LRRC28: variants seen among roughly 807,000 people sequenced by gnomAD.
LRRC28 encodes leucine rich repeat containing 28.
LRRC28 carries 39 observed loss-of-function variants against 45.7 expected under a neutral mutation model. The observed-to-expected ratio is 0.85, with a 90% CI of 0.66 to 1.12. The LOEUF is 1.12. LRRC28 is among the 50% of genes most tolerant of loss of function. The pLI, the probability that LRRC28 is intolerant of heterozygous loss-of-function variation, is 0.00. For synonymous variants in LRRC28, 206 were observed against 178.8 expected, an observed-to-expected ratio of 1.15 and a Z score of -1.22; for missense variants, 435 against 438.5, an observed-to-expected ratio of 0.99 and a Z score of 0.07.
chr15:99,335,687 C>A (rs1294109090), intron 6 of LRRC28, among the ~76,000 whole-genome samples: 2 of 151,732 alleles, frequency 1.3e-5, no homozygotes, highest in Non-Finnish European at 2.9e-5. Context: ...TTTTTTACCC[C>A]CCTCACATTC....
chr15:99,377,974 C>T (rs1957696813), intron 9 of LRRC28, among the ~76,000 whole-genome samples: 1 of 152,182 alleles, frequency 6.6e-6, no homozygotes, highest in Non-Finnish European at 1.5e-5. Flanking sequence ...AGTCAGGTAG[C>T]ATGATGCCTC....
intron 9 of LRRC28, among the ~76,000 whole-genome samples, chr15:99,366,231 G>A (rs1217141377): frequency 6.6e-6 from 1 of 152,156 alleles, no homozygotes; most frequent in East Asian, 1.9e-4. Flanking sequence ...CTGTGAGGGA[G>A]GGATCTGTTC....
intron 3 of LRRC28, among the ~76,000 whole-genome samples, chr15:99,277,980 T>G (rs2081664545): frequency 6.6e-6 from 1 of 152,216 alleles, no homozygotes; most frequent in Admixed American, 6.5e-5. Flanking sequence ...GGTTGTATTT[T>G]GTATATATGA....
chr15:99,309,334 T>C (rs1955311022), intron 5 of LRRC28, among the ~76,000 whole-genome samples: 1 of 152,242 alleles, frequency 6.6e-6, no homozygotes, highest in Non-Finnish European at 1.5e-5. Flanking sequence ...GAAGCCTTTC[T>C]GAATTCTACC....
At chr15:99,385,830 TAAATA>T (rs1957969655) in intron 9 of LRRC28, among the ~76,000 whole-genome samples, 195 bp from the exon 10 acceptor site, 1 of 150,306 alleles carries the variant, frequency 6.7e-6, no homozygotes, top group Non-Finnish European at 1.5e-5. Context: ...AAAAAATAAA[TAAATA>T]AAATGAACAT....
intron 3 of LRRC28, among the ~76,000 whole-genome samples, chr15:99,279,536 G>C (rs764418436): frequency 3.3e-5 from 5 of 152,210 alleles, no homozygotes; most frequent in Non-Finnish European, 5.9e-5. Flanking sequence ...ACAGTTCTCT[G>C]AGAAGGAAGC....
chr15:99,311,050 C>A (rs1955389858), intron 5 of LRRC28, among the ~76,000 whole-genome samples: 1 of 151,638 alleles, frequency 6.6e-6, no homozygotes, highest in African/African-American at 2.4e-5. Context: ...CCGTTGGTGT[C>A]CTTAGTCTGC....
intron 7 of LRRC28, among the ~76,000 whole-genome samples, chr15:99,354,308 A>G (rs1356854345): frequency 6.6e-6 from 1 of 152,240 alleles, no homozygotes; most frequent in Non-Finnish European, 1.5e-5. Flanking sequence ...AAATGTGCTC[A>G]GAATTTTAAT....
intron 9 of LRRC28, among the ~76,000 whole-genome samples, chr15:99,372,454 A>G (rs1034828669): frequency 2.0e-5 from 3 of 152,202 alleles, no homozygotes; most frequent in African/African-American, 7.2e-5. Context: ...CTGGTGCCAC[A>G]GTTCTGGATT....
At chr15:99,259,981 A>G in intron 2 of LRRC28, 2 of 636,692 alleles carry the variant, frequency 3.1e-6, no homozygotes, top group East Asian at 5.5e-5. Context: ...AAAAACAAGA[A>G]ACAGCAAAGG....
intron 9 of LRRC28, among the ~76,000 whole-genome samples, chr15:99,378,210 T>G (rs1234777343): frequency 6.6e-6 from 1 of 152,166 alleles, no homozygotes; most frequent in Admixed American, 6.5e-5. Flanking sequence ...GTGTCCTCTT[T>G]TATTTCGTTG....
intron 9 of LRRC28, among the ~76,000 whole-genome samples, chr15:99,381,704 G>T (rs1222324164): frequency 6.6e-6 from 1 of 152,190 alleles, no homozygotes; most frequent in South Asian, 2.1e-4. Context: ...TTACAGATGG[G>T]GTTTTGGTGT....
chr15:99,387,231 T>G lies in LRRC28; in HGVS notation c.*1129T>G, dbSNP rs567682015. On this transcript the variant is annotated 3_prime_UTR_variant, in exon 10 of 10. Coordinates refer to ENST00000301981, the MANE Select transcript of LRRC28 (RefSeq NM_144598.5). ...GCCCGCCACCACGCCCGGCTAATTT[T>G]TTGTATTTTTAGTAGAGACGGGGTT... 14 of 148,868 alleles carry G rather than the reference T, an allele frequency of 9.4e-5. No individual in the cohort carries two copies. Among genetic ancestry groups the G allele is most frequent in the African/African-American group, 3.0e-4 (12 of 40,342 alleles). The allele number at this position is 148,868 out of a possible 1,614,324, so 9.2% of individuals were successfully genotyped here.
chr15:99,361,501 C>T lies in LRRC28; in HGVS notation c.861C>T (p.Ser287=). Residue 287 remains serine (S), a synonymous_variant, in exon 8 of 10, where the codon AGC becomes AGT. Coordinates refer to ENST00000301981, the MANE Select transcript of LRRC28 (RefSeq NM_144598.5). ...AMRGLYHTYH[S]LLKDLNFLSP... ...GAGGGCTGTATCATACCTACCACAG[C>T]TTGCTGAAAGGTACGTGGGACTTCT... 1.3e-6 allele frequency: 2 copies of T among 1,598,794 alleles called. No individual in the cohort carries two copies. The highest frequency in any genetic ancestry group is 1.1e-5 in the South Asian group (1 of 88,114).
At chr15:99,263,974 C>T (rs1274159998) in intron 2 of LRRC28, among the ~76,000 whole-genome samples, 1 of 152,194 alleles carries the variant, frequency 6.6e-6, no homozygotes, top group Non-Finnish European at 1.5e-5. Flanking sequence ...GTTCTGCTTG[C>T]CTTGAGCAGT....
chr15:99,343,171 A>G (rs535917759), intron 6 of LRRC28, among the ~76,000 whole-genome samples: 1 of 152,376 alleles, frequency 6.6e-6, no homozygotes, highest in African/African-American at 2.4e-5. Flanking sequence ...AGCATTCCAA[A>G]TAATTTATTT....
At chr15:99,361,080 G>T (rs1224653891) in intron 7 of LRRC28, 2 of 331,034 alleles carry the variant, frequency 6.0e-6, no homozygotes, top group African/African-American at 2.1e-5. Flanking sequence ...AAGAAGGAAA[G>T]TTCCTTTAAA....
At chr15:99,275,554 C>T (rs920592098) in intron 2 of LRRC28, among the ~76,000 whole-genome samples, 2 of 152,162 alleles carry the variant, frequency 1.3e-5, no homozygotes, top group African/African-American at 2.4e-5. Context: ...TCAGGGCTGC[C>T]GTGACAAATT....
intron 5 of LRRC28, among the ~76,000 whole-genome samples, chr15:99,300,676 A>C (rs2082375232): frequency 6.6e-6 from 1 of 152,138 alleles, no homozygotes; most frequent in Non-Finnish European, 1.5e-5. Flanking sequence ...AAATACAAAA[A>C]TTAGCTGGAT....
Sources: gnomAD v4.1 joint callset for allele counts (sites outside exome capture counted in the v4.1 genomes callset) on GRCh38, gnomAD v4.1.1 for gene constraint, MANE v1.5 for transcripts, NCBI Gene and HGNC (gene_info 2026-07-23, HGNC 2026-07-21) for gene names.